The following RAB32 variants were observed in gnomAD, a reference collection of about 807,000 sequenced individuals.
RAB32 encodes RAB32, member RAS oncogene family.
Under a neutral mutation model 17.5 loss-of-function variants are expected in RAB32, and 17 were observed. That is an observed-to-expected ratio of 0.97 (90% CI 0.67 to 1.46). The LOEUF (loss-of-function observed/expected upper bound fraction) is 1.46, where lower values mean the gene tolerates loss of function less well. RAB32 is among the 40% of genes most tolerant of loss of function. RAB32 has a pLI of 0.00. For synonymous variants in RAB32, 115 were observed against 111.1 expected (o/e 1.04, Z -0.22); for missense variants, 288 against 284.3 (o/e 1.01, Z -0.09).
intron 2 of RAB32, 82 bp from the exon 3 acceptor site, chr6:146,554,374 C>T (rs1583538834): frequency 2.1e-6 from 3 of 1,407,190 alleles, no homozygotes; most frequent in Admixed American, 2.6e-5. Flanking sequence ...AACAAATTTT[C>T]CTGGTCCCAT....
intron 1 of RAB32, among the ~76,000 whole-genome samples, chr6:146,546,739 A>G (rs1024194919): frequency 6.6e-6 from 1 of 150,684 alleles, no homozygotes; most frequent in African/African-American, 2.5e-5. Context: ...AGAGCCAGCT[A>G]CTTGCCATAA....
At chr6:146,554,325 G>A in intron 2 of RAB32, 131 bp from the exon 3 acceptor site, 4 of 750,946 alleles carry the variant, frequency 5.3e-6, no homozygotes, top group Non-Finnish European at 8.4e-6. Flanking sequence ...ACACACTTTA[G>A]TATTAGAGGA....
chr6:146,545,731 T>C (rs1779811451), intron 1 of RAB32, among the ~76,000 whole-genome samples: 1 of 152,204 alleles, frequency 6.6e-6, no homozygotes, highest in South Asian at 2.1e-4. Flanking sequence ...AGAAGTTTTT[T>C]CGAAACACTT....
intron 1 of RAB32, among the ~76,000 whole-genome samples, chr6:146,545,966 C>T (rs1779814307): frequency 6.6e-6 from 1 of 152,200 alleles, no homozygotes; most frequent in South Asian, 2.1e-4. Context: ...TTGGGTCCCA[C>T]TGCTGGTAAA....
chr6:146,546,941 C>G lies in RAB32; in HGVS notation c.251-2523C>G, dbSNP rs572841550. ...GCTAAGCAGATTCAGCTGAACTCTT[C>G]AGGTTAAGAACCACTGTGATCCTCA... is the stretch of plus-strand genomic sequence containing the variant. On this transcript the variant is annotated intron_variant, in intron 1 of 2. Transcript: ENST00000367495. Among the ~76,000 whole-genome samples the G allele has an allele frequency of 8.5e-5, 13 of 152,184 alleles. No homozygotes were observed. The South Asian group carries it at 2.7e-3, about 32-fold the overall frequency.
intron 2 of RAB32, among the ~76,000 whole-genome samples, chr6:146,550,319 G>A (rs1431888554): frequency 6.6e-6 from 1 of 152,044 alleles, no homozygotes; most frequent in Admixed American, 6.6e-5. Context: ...TTTTCTGAAG[G>A]AAAAAATAAA....
At chr6:146,544,993 A>G (rs1020090238) in intron 1 of RAB32, among the ~76,000 whole-genome samples, 3 of 152,222 alleles carry the variant, frequency 2.0e-5, no homozygotes, top group African/African-American at 7.2e-5. Context: ...CTGTAATCCC[A>G]GCACTTTGGA....
At chr6:146,553,650 A>G (rs1298967107) in intron 2 of RAB32, among the ~76,000 whole-genome samples, 2 of 152,136 alleles carry the variant, frequency 1.3e-5, no homozygotes, top group Non-Finnish European at 1.5e-5. Context: ...AATTTGAGTA[A>G]GCTTTTTAGG....
At chr6:146,554,419 C>A in intron 2 of RAB32, 37 bp from the exon 3 acceptor site, 2 of 1,569,358 alleles carry the variant, frequency 1.3e-6, no homozygotes, top group Non-Finnish European at 8.6e-7. Context: ...AGAATTAATC[C>A]TAAAAATTAA....
chr6:146,554,138 G>A (rs1779929532), intron 2 of RAB32, among the ~76,000 whole-genome samples: 1 of 152,064 alleles, frequency 6.6e-6, no homozygotes, highest in Non-Finnish European at 1.5e-5. Flanking sequence ...TATTTGGAAT[G>A]TCTTCATTAT....
chr6:146,548,483 A>G (rs566368155), intron 1 of RAB32, among the ~76,000 whole-genome samples: 2 of 152,204 alleles, frequency 1.3e-5, no homozygotes, highest in East Asian at 3.8e-4. Flanking sequence ...GAACAGAGTG[A>G]TACATCTTAG....
At position 146,544,119 on chromosome 6, in the gene RAB32, CG is replaced by C. The variant is rs745811659; in HGVS notation, c.250+1del. The C allele has an allele frequency of 2.5e-6, 4 of 1,607,832 alleles. No individual in the cohort carries two copies. In the South Asian group the frequency reaches 4.4e-5, roughly 18 times the overall value. Reference protein sequence around the residue: ...TLVRLQLWDIAGQERFGNMTR... With the variant: ...TLVRLQLWDIXGQERFGNMTR... The stretch of plus-strand genomic sequence containing the variant: ...GTGCGCCTGCAGCTGTGGGACATCG[CG>C]GGTAAGCGCGGCCGCGAGTTTCCCA... On this transcript the variant is annotated frameshift_variant and splice_region_variant, in exon 1 of 3. Coordinates refer to ENST00000367495, the MANE Select transcript of RAB32 (RefSeq NM_006834.5). LOFTEE classifies it high-confidence loss of function.
chr6:146,547,608 T>A (rs539459651), intron 1 of RAB32, among the ~76,000 whole-genome samples: 1 of 152,054 alleles, frequency 6.6e-6, no homozygotes, highest in South Asian at 2.1e-4. Flanking sequence ...CTGCATCTTA[T>A]ACTTTGTCGA....
rs746637461 is a variant in RAB32, at chr6:146,544,039, C to T, written c.168C>T (p.Ala56=). ...AGCTCTTCTCCCAGCACTACCGGGCCACCATCGGGGTGGACTTCGCCCTCA... is the reference window on the plus strand; with the variant it reads ...AGCTCTTCTCCCAGCACTACCGGGCTACCATCGGGGTGGACTTCGCCCTCA... ...VHQLFSQHYR[A]TIGVDFALKV... The change falls in exon 1 of 3, where the codon GCC becomes GCT. Residue 56 remains alanine, a synonymous_variant. Coordinates refer to ENST00000367495, the MANE Select transcript of RAB32 (RefSeq NM_006834.5). 4 of 1,613,988 alleles carry T rather than the reference C, an allele frequency of 2.5e-6. No individual in the cohort carries two copies. In the South Asian group the frequency reaches 4.4e-5, roughly 18 times the overall value.
At chr6:146,549,832 GTGT>G in intron 2 of RAB32, 91 bp downstream of exon 2, 1 of 1,374,488 alleles carries the variant, frequency 7.3e-7, no homozygotes, top group Non-Finnish European at 9.8e-7. Flanking sequence ...TATGTGAGTG[GTGT>G]TTGAAAGTCT....
At position 146,544,042 on chromosome 6, in the gene RAB32, C is replaced by T. The variant is rs1779788732; in HGVS notation, c.171C>T (p.Thr57=). 6.2e-7 allele frequency: 1 copy of T among 1,613,854 alleles called. No individual in the cohort carries two copies. Among genetic ancestry groups the T allele is most frequent in the African/African-American group, 1.3e-5 (1 of 74,930 alleles). ...HQLFSQHYRA[T]IGVDFALKVL... ...TCTTCTCCCAGCACTACCGGGCCAC[C>T]ATCGGGGTGGACTTCGCCCTCAAGG... The change falls in exon 1 of 3, where the codon ACC becomes ACT. Residue 57 remains threonine (T), a synonymous_variant. Transcript: ENST00000367495.
In RAB32 at chr6:146,554,561, G is replaced by C. The variant is rs373922099; in HGVS notation, c.634G>C (p.Asp212His). Residue 212 changes from aspartate (D) to histidine (H), a missense_variant, in exon 3 of 3, where the codon GAT (aspartate) becomes CAT (histidine). Physicochemically the swap from Asp to His is moderately conservative, Grantham distance 81 (BLOSUM62 -1). Transcript: ENST00000367495. ...AAACGATGTGGACAAAATTAAGCTA[G>C]ATCAAGAGACCTTGAGAGCAGAGAA... is the stretch of plus-strand genomic sequence containing the variant. ...EENDVDKIKL[D>H]QETLRAENKS... 20 of 1,613,652 alleles carry C rather than the reference G, an allele frequency of 1.2e-5. No individual in the cohort carries two copies. The highest frequency in any genetic ancestry group is 1.5e-5 in the Non-Finnish European group (18 of 1,179,808).
intron 1 of RAB32, among the ~76,000 whole-genome samples, chr6:146,546,417 G>A (rs1779820204): frequency 7.2e-6 from 1 of 138,042 alleles, no homozygotes; most frequent in Non-Finnish European, 1.6e-5. Flanking sequence ...AAATAGCTTA[G>A]TGAGAGACCA....
rs1002043187 is a variant in RAB32 at position 146,549,650 on chromosome 6, A to G, written c.437A>G (p.Asp146Gly). 1 of 1,614,172 alleles carries G rather than the reference A, an allele frequency of 6.2e-7. No homozygotes were observed. Among genetic ancestry groups the G allele is most frequent in the African/African-American group, 1.3e-5 (1 of 75,048 alleles). ...IPAVLLANKCDQNKDSSQSPS... is the reference protein window; with the variant it reads ...IPAVLLANKCGQNKDSSQSPS... ...GCTGTCCTCTTGGCTAACAAATGTGACCAGAACAAGGACAGTAGCCAGAGT... is the reference window on the plus strand; with the variant it reads ...GCTGTCCTCTTGGCTAACAAATGTGGCCAGAACAAGGACAGTAGCCAGAGT... Residue 146 changes from aspartate to glycine, a missense_variant, in exon 2 of 3, where the codon GAC becomes GGC. Transcript: ENST00000367495.
Sources: gnomAD v4.1 joint callset for allele counts (sites outside exome capture counted in the v4.1 genomes callset) on GRCh38, gnomAD v4.1.1 for gene constraint, MANE v1.5 for transcripts, NCBI Gene and HGNC (gene_info 2026-07-23, HGNC 2026-07-21) for gene names.